SAMD12: variants seen among roughly 807,000 people sequenced by gnomAD.
SAMD12 encodes sterile alpha motif domain-containing protein 12.
SAMD12 carries 9 observed loss-of-function variants against 15.0 expected under a neutral mutation model. The observed-to-expected ratio is 0.60, with a 90% CI of 0.36 to 1.05. The LOEUF (loss-of-function observed/expected upper bound fraction) is 1.05, where lower values mean the gene tolerates loss of function less well. Ranked by LOEUF, SAMD12 falls within the 50% of genes least tolerant of loss-of-function variation. The pLI is 0.01. For synonymous variants in SAMD12, 86 were observed against 90.1 expected (o/e 0.96, Z 0.25); for missense variants, 230 against 234.2 (o/e 0.98, Z 0.12).
intron 4 of SAMD12, among the ~76,000 whole-genome samples, chr8:118,339,325 G>A (rs73325604): frequency 0.011 from 1,742 of 152,148 alleles, 30 homozygotes; most frequent in African/African-American, 0.04. Flanking sequence ...GTGAGACCCT[G>A]TCTTAAAAAA....
chr8:118,584,922 T>TACACACACACAC (rs141290440), intron 1 of SAMD12, among the ~76,000 whole-genome samples: 25 of 147,074 alleles, frequency 1.7e-4, no homozygotes, highest in Middle Eastern at 3.4e-3. Flanking sequence ...CTTGTAGGTA[T>TACACACACACAC]ACACACACAC....
At chr8:118,264,355 C>T (rs1813151606) in intron 4 of SAMD12, among the ~76,000 whole-genome samples, 1 of 152,120 alleles carries the variant, frequency 6.6e-6, no homozygotes, top group South Asian at 2.1e-4. Context: ...TCTCATATTC[C>T]ACTTTAATGA....
chr8:118,369,553 T>C (rs558182011), intron 4 of SAMD12, among the ~76,000 whole-genome samples: 2 of 152,006 alleles, frequency 1.3e-5, no homozygotes, highest in African/African-American at 4.8e-5. Context: ...CCATCTCTAC[T>C]AAAAATTCAA....
chr8:118,361,875 G>C (rs1468648479), intron 4 of SAMD12, among the ~76,000 whole-genome samples: 1 of 152,122 alleles, frequency 6.6e-6, no homozygotes, highest in Admixed American at 6.6e-5. Flanking sequence ...AATATGATGA[G>C]CCCAAGTCCC....
At chr8:118,170,813 GA>G in the SAMD12 span, among the ~76,000 whole-genome samples, 678 of 151,404 alleles carry the variant, frequency 4.5e-3, 5 homozygotes, top group African/African-American at 0.016. Flanking sequence ...AGTGATAAAA[GA>G]AAAAAAATAG....
intron 4 of SAMD12, among the ~76,000 whole-genome samples, chr8:118,214,407 G>A (rs929913213): frequency 6.6e-6 from 1 of 152,222 alleles, no homozygotes; most frequent in African/African-American, 2.4e-5. Flanking sequence ...TATGGTTTCT[G>A]CAGCATGTTA....
Position 118,439,946 on chromosome 8 carries a change from G to A in SAMD12, c.208C>T (p.Leu70=). 1 of 1,613,600 alleles carries A rather than the reference G, an allele frequency of 6.2e-7. No individual in the cohort carries two copies. Among genetic ancestry groups the A allele is most frequent in the Non-Finnish European group, 8.5e-7 (1 of 1,179,626 alleles). ...AETAKSATVK[L]SKPVALWTQQ... is the part of the protein sequence containing the mutation. ...GTCCATAGAGCCACCGGTTTAGATA[G>A]CTTCACCGTAGCTGACTATAAATAA... is the stretch of plus-strand genomic sequence containing the variant. The change falls in exon 3 of 4, where the codon CTA becomes TTA. Residue 70 remains leucine (L), a synonymous_variant. Coordinates refer to ENST00000314727, the MANE Select transcript of SAMD12 (RefSeq NM_207506.3).
intron 4 of SAMD12, among the ~76,000 whole-genome samples, chr8:118,199,132 T>C (rs895712194): frequency 6.6e-6 from 1 of 152,158 alleles, no homozygotes; most frequent in South Asian, 2.1e-4. Flanking sequence ...TATATATGCA[T>C]AGAAAAGAAC....
intron 2 of SAMD12, among the ~76,000 whole-genome samples, chr8:118,486,462 T>G (rs1404201913): frequency 6.7e-6 from 1 of 150,196 alleles, no homozygotes; most frequent in African/African-American, 2.4e-5. Context: ...GTTAGAGAGC[T>G]GTGACGTGAA....
At chr8:118,530,624 C>T (rs1454400994) in intron 2 of SAMD12, among the ~76,000 whole-genome samples, 1 of 152,132 alleles carries the variant, frequency 6.6e-6, no homozygotes, top group Non-Finnish European at 1.5e-5. Context: ...GCATACTTTG[C>T]AAGTATTTTC....
intron 3 of SAMD12, among the ~76,000 whole-genome samples, chr8:118,395,932 C>CA (rs34761474): frequency 0.055 from 7,142 of 129,122 alleles, 383 homozygotes; most frequent in African/African-American, 0.15. Context: ...GACTCCATCT[C>CA]AAAAAAAAAA....
intron 2 of SAMD12, among the ~76,000 whole-genome samples, chr8:118,535,053 T>C (rs1382306103): frequency 1.3e-5 from 2 of 151,120 alleles, no homozygotes; most frequent in Admixed American, 6.6e-5. Context: ...TTCAGCTTTT[T>C]GCTCTGTTTT....
intron 1 of SAMD12, among the ~76,000 whole-genome samples, chr8:118,584,898 A>T (rs1384405498): frequency 2.0e-5 from 3 of 150,828 alleles, no homozygotes; most frequent in African/African-American, 7.3e-5. Flanking sequence ...TTGTCATTTA[A>T]TCCAACAATT....
chr8:118,404,935 T>A (rs1821055159), intron 3 of SAMD12, among the ~76,000 whole-genome samples: 1 of 152,206 alleles, frequency 6.6e-6, no homozygotes, highest in South Asian at 2.1e-4. Flanking sequence ...GTGTTGGGGC[T>A]ACAGGCATGA....
At chr8:118,247,577 T>TTTTA (rs773362667) in intron 4 of SAMD12, among the ~76,000 whole-genome samples, 8 of 151,708 alleles carry the variant, frequency 5.3e-5, no homozygotes, top group African/African-American at 9.7e-5. Flanking sequence ...ACTTTAAAAA[T>TTTTA]TTTATTTATT....
chr8:118,597,617 C>A (rs542760792), intron 1 of SAMD12, among the ~76,000 whole-genome samples: 1 of 152,170 alleles, frequency 6.6e-6, no homozygotes, highest in African/African-American at 2.4e-5. Flanking sequence ...GCAGCTGGTG[C>A]GAGAGGAGTT....
At chr8:118,171,809 T>G in the SAMD12 span, among the ~76,000 whole-genome samples, 1 of 151,864 alleles carries the variant, frequency 6.6e-6, no homozygotes, top group East Asian at 1.9e-4. Flanking sequence ...CTTGAATATA[T>G]TTTAAACATT....
intron 4 of SAMD12, among the ~76,000 whole-genome samples, chr8:118,368,871 A>G (rs1818936716): frequency 6.6e-6 from 1 of 152,222 alleles, no homozygotes; most frequent in African/African-American, 2.4e-5. Context: ...CCTTGCTTTT[A>G]TACAGGCTTC....
intron 1 of SAMD12, among the ~76,000 whole-genome samples, chr8:118,600,540 A>C (rs548248951): frequency 3.9e-5 from 6 of 152,338 alleles, no homozygotes; most frequent in African/African-American, 1.4e-4. Context: ...AGACAAGATC[A>C]TAATTTCTAA....
Sources: gnomAD v4.1 joint callset for allele counts (sites outside exome capture counted in the v4.1 genomes callset) on GRCh38, gnomAD v4.1.1 for gene constraint, MANE v1.5 for transcripts, NCBI Gene and HGNC (gene_info 2026-07-23, HGNC 2026-07-21) for gene names.